Variants in ITCH observed in about 807,000 individuals in gnomAD.
The protein encoded by ITCH is E3 ubiquitin-protein ligase Itchy homolog.
Under a neutral mutation model 126.8 loss-of-function variants are expected in ITCH, and 28 were observed. The observed-to-expected ratio is 0.22, with a 90% CI of 0.16 to 0.30. The LOEUF is 0.30. Ranked by LOEUF, ITCH falls within the 10% of genes least tolerant of loss-of-function variation. The probability of loss-of-function intolerance (pLI) is 1.00; values close to 1 mark genes in which losing one functional copy is unlikely to be tolerated. For missense variants in ITCH, 631 were observed against 1,032.4 expected, an observed-to-expected ratio of 0.61 and a Z score of 5.33; for synonymous variants, 342 against 340.0, an observed-to-expected ratio of 1.01 and a Z score of -0.06.
intron 23 of ITCH, among the ~76,000 whole-genome samples, chr20:34,498,208 T>C (rs1990014110): frequency 6.6e-6 from 1 of 152,238 alleles, no homozygotes; most frequent in South Asian, 2.1e-4. Flanking sequence ...CTTAATGTGT[T>C]TATCAGTTCC....
Position 34,415,717 on chromosome 20 carries a change from A to C in ITCH, c.475+1838A>C, listed in dbSNP as rs77228097. On this transcript the variant is annotated intron_variant, in intron 6 of 24. Transcript: ENST00000374864. ...TAATAGTCACATTTTTCTATACATAAATTGGAAGTCTGGAAGATAAAATAC... is the reference window on the plus strand; with the variant it reads ...TAATAGTCACATTTTTCTATACATACATTGGAAGTCTGGAAGATAAAATAC... Among the ~76,000 whole-genome samples, 38 of 152,334 alleles carry C rather than the reference A, an allele frequency of 2.5e-4. No individual in the cohort carries two copies. In the East Asian group the frequency reaches 6.7e-3, roughly 27 times the overall value.
intron 17 of ITCH, 57 bp downstream of exon 17, chr20:34,477,917 A>T: frequency 6.2e-7 from 1 of 1,603,452 alleles, no homozygotes; most frequent in South Asian, 1.1e-5. Flanking sequence ...GTACCATTGC[A>T]CTTCGCTTGC....
intron 2 of ITCH, among the ~76,000 whole-genome samples, chr20:34,371,564 G>T (rs996307165): frequency 1.3e-5 from 2 of 152,074 alleles, no homozygotes; most frequent in Admixed American, 1.3e-4. Flanking sequence ...GATTATAGGC[G>T]TGAGCCACTG....
chr20:34,496,780 G>T (rs1457349245), intron 23 of ITCH, among the ~76,000 whole-genome samples: 1 of 144,930 alleles, frequency 6.9e-6, no homozygotes, highest in African/African-American at 2.6e-5. Flanking sequence ...TCCAGCCTGG[G>T]CAAGAAGAGC....
chr20:34,441,746 C>A, intron 9 of ITCH: 1 of 209,134 alleles, frequency 4.8e-6, no homozygotes, highest in Non-Finnish European at 9.8e-6. Flanking sequence ...CCATCATGCC[C>A]AGCTAATTTT....
At chr20:34,389,003 C>CTT (rs1480270730) in intron 2 of ITCH, among the ~76,000 whole-genome samples, 1 of 152,108 alleles carries the variant, frequency 6.6e-6, no homozygotes, top group Non-Finnish European at 1.5e-5. Context: ...ACAATCATCC[C>CTT]TTGGTATATG....
Position 34,438,626 on chromosome 20 carries a change from G to A in ITCH, c.674G>A (p.Arg225Lys), listed in dbSNP as rs1032936752. 4 of 1,613,796 alleles carry A rather than the reference G, an allele frequency of 2.5e-6. No individual in the cohort carries two copies. The highest frequency in any genetic ancestry group is 2.5e-6 in the Non-Finnish European group (3 of 1,179,952). ...CGACCACCACCACCCACCCCACGTAGACCAGGTTTGTATTCCAGCTCTCAA... is the reference window on the plus strand; with the variant it reads ...CGACCACCACCACCCACCCCACGTAAACCAGGTTTGTATTCCAGCTCTCAA... ...PSRPPPPTPR[R>K]PASVNGSPSA... Residue 225 changes from arginine (R) to lysine (K), a missense_variant, in exon 8 of 25, where the codon AGA (arginine) becomes AAA (lysine). By Grantham distance (26) the Arg-to-Lys change is conservative (BLOSUM62 2). Around this residue, in one of 4 missense-constraint regions of ITCH, gnomAD observed 220 missense variants for 265.7 expected, o/e 0.83. Transcript: ENST00000374864.
intron 23 of ITCH, among the ~76,000 whole-genome samples, 194 bp downstream of exon 23, chr20:34,492,791 G>A (rs1383156687): frequency 6.6e-6 from 1 of 152,186 alleles, no homozygotes; most frequent in East Asian, 1.9e-4. Flanking sequence ...TAACCCTCAA[G>A]CTAGAACCCA....
chr20:34,398,459 C>T (rs2038752900), intron 3 of ITCH, among the ~76,000 whole-genome samples: 1 of 151,520 alleles, frequency 6.6e-6, no homozygotes, highest in Non-Finnish European at 1.5e-5. Context: ...AGTGCAATGG[C>T]GTGATCTCGG....
chr20:34,448,936 C>T (rs915974804), intron 11 of ITCH, among the ~76,000 whole-genome samples: 1 of 152,106 alleles, frequency 6.6e-6, no homozygotes, highest in African/African-American at 2.4e-5. Context: ...ACTCATCTGG[C>T]AGCCCACTCT....
chr20:34,471,263 A>T (rs1324141081), intron 15 of ITCH, among the ~76,000 whole-genome samples, 181 bp from the exon 16 acceptor site: 1 of 152,206 alleles, frequency 6.6e-6, no homozygotes, highest in Non-Finnish European at 1.5e-5. Context: ...TGCATATATT[A>T]ATCTGTAATT....
Position 34,389,673 on chromosome 20 carries a change from A to G in ITCH, c.-21-4118A>G, listed in dbSNP as rs564440752. The stretch of plus-strand genomic sequence containing the variant: ...GAGATAGTAGATCCCTACAACCACT[A>G]GAAAGTGTCCATTAGGGACATTATC... On this transcript the variant is annotated intron_variant, in intron 2 of 24. Transcript: ENST00000374864. Among the ~76,000 whole-genome samples, 201 of 152,330 alleles carry G rather than the reference A, an allele frequency of 1.3e-3. 2 individuals carry two copies. Among genetic ancestry groups the G allele is most frequent in the Middle Eastern group, 0.01 (3 of 294 alleles).
intron 11 of ITCH, among the ~76,000 whole-genome samples, chr20:34,447,173 A>T: frequency 6.9e-6 from 1 of 144,852 alleles, no homozygotes; most frequent in Non-Finnish European, 1.5e-5. Flanking sequence ...AGTCTTTGGA[A>T]TTTTTTTTTT....
At chr20:34,494,313 T>C (rs1462658709) in intron 23 of ITCH, among the ~76,000 whole-genome samples, 3 of 152,068 alleles carry the variant, frequency 2.0e-5, no homozygotes, top group Non-Finnish European at 4.4e-5. Flanking sequence ...AATAGTATAC[T>C]GTCTGAGAAG....
At chr20:34,384,167 T>TC (rs2038179144) in intron 2 of ITCH, 1 of 141,842 alleles carries the variant, frequency 7.1e-6, no homozygotes, top group Non-Finnish European at 1.6e-5. Flanking sequence ...TTTTTTTTTT[T>TC]AAGTCAAGTG....
intron 3 of ITCH, among the ~76,000 whole-genome samples, chr20:34,403,675 A>G (rs1333856129): frequency 6.6e-6 from 1 of 152,210 alleles, no homozygotes; most frequent in East Asian, 1.9e-4. Flanking sequence ...TGACGGAGCC[A>G]TACGTAAATA....
intron 3 of ITCH, among the ~76,000 whole-genome samples, chr20:34,405,166 G>A (rs2039017467): frequency 1.4e-5 from 2 of 144,266 alleles, no homozygotes; most frequent in Non-Finnish European, 1.5e-5. Context: ...AAAAAAAAAG[G>A]TTTCAGTGGG....
At chr20:34,426,634 A>G (rs1165799740) in intron 7 of ITCH, among the ~76,000 whole-genome samples, 1 of 130,154 alleles carries the variant, frequency 7.7e-6, no homozygotes, top group Non-Finnish European at 1.7e-5. Flanking sequence ...ATTTTTAGTA[A>G]GAGATGGGGT....
At chr20:34,396,300 C>T (rs6142156) in intron 3 of ITCH, among the ~76,000 whole-genome samples, 2 of 152,040 alleles carry the variant, frequency 1.3e-5, no homozygotes, top group African/African-American at 4.8e-5. Flanking sequence ...TACCAATGTG[C>T]TGGGATTACA....
Sources: gnomAD v4.1 joint callset for allele counts (sites outside exome capture counted in the v4.1 genomes callset) on GRCh38, gnomAD v4.1.1 for gene constraint, gnomAD v4.1.1 regional missense constraint, MANE v1.5 for transcripts, NCBI Gene and HGNC (gene_info 2026-07-23, HGNC 2026-07-21) for gene names.